Variants in ANAPC10 observed in about 807,000 individuals in gnomAD.
ANAPC10 encodes anaphase promoting complex subunit 10.
Under a neutral mutation model 22.0 loss-of-function variants are expected in ANAPC10, and 12 were observed. The ratio of observed to expected loss-of-function variants is 0.55; its 90% CI spans 0.35 to 0.88. ANAPC10 has a LOEUF of 0.88. Among genes scored for constraint, ANAPC10 ranks in the 40% least tolerant of loss-of-function variants. The pLI is 0.01. For synonymous variants in ANAPC10, 65 were observed against 69.5 expected, an observed-to-expected ratio of 0.94 and a Z score of 0.32; for missense variants, 188 against 220.9, an observed-to-expected ratio of 0.85 and a Z score of 0.94.
intron 2 of ANAPC10, among the ~76,000 whole-genome samples, chr4:145,082,404 T>G (rs1208121855): frequency 6.6e-6 from 1 of 152,094 alleles, no homozygotes; most frequent in East Asian, 1.9e-4. Context: ...CCGCCTCAGC[T>G]TCCCAAAGTG....
In ANAPC10 at chr4:145,058,427, C is replaced by G. The variant is rs563445225; in HGVS notation, c.327+6145G>C. Among the ~76,000 whole-genome samples, 8 of 151,036 alleles carry G rather than the reference C, an allele frequency of 5.3e-5. No homozygotes were observed. In the South Asian group the frequency reaches 1.7e-3, roughly 31 times the overall value. On this transcript the variant is annotated intron_variant, in intron 4 of 4. Transcript: ENST00000507656. ...AAAAACCACAAAACAATATTGTGTTCCCATAGCCACCTCCAGGTACTTACT... is the reference window on the plus strand; with the variant it reads ...AAAAACCACAAAACAATATTGTGTTGCCATAGCCACCTCCAGGTACTTACT...
At chr4:144,998,729 C>T (rs1732023063) in intron 4 of ANAPC10, among the ~76,000 whole-genome samples, 1 of 152,032 alleles carries the variant, frequency 6.6e-6, no homozygotes, top group South Asian at 2.1e-4. Context: ...AGAGCAAACA[C>T]ATTCAAAAGC....
At chr4:145,082,362 C>T (rs1052864432) in intron 2 of ANAPC10, among the ~76,000 whole-genome samples, 1 of 152,104 alleles carries the variant, frequency 6.6e-6, no homozygotes. Flanking sequence ...TGGGTCAGGC[C>T]GGTCTCGAAC....
intron 4 of ANAPC10, among the ~76,000 whole-genome samples, chr4:145,001,807 A>G (rs1185519124): frequency 6.6e-6 from 1 of 152,186 alleles, no homozygotes; most frequent in East Asian, 1.9e-4. Flanking sequence ...GCTTCCTATT[A>G]GCAACCTTTA....
intron 4 of ANAPC10, among the ~76,000 whole-genome samples, chr4:145,018,026 G>A (rs1227286760): frequency 1.3e-5 from 2 of 150,832 alleles, no homozygotes; most frequent in Non-Finnish European, 3.0e-5. Context: ...TAAATGACGA[G>A]TTAATGGGTG....
chr4:145,049,358 T>C (rs1046004340), intron 4 of ANAPC10, among the ~76,000 whole-genome samples: 1 of 152,244 alleles, frequency 6.6e-6, no homozygotes, highest in African/African-American at 2.4e-5. Flanking sequence ...TGCCACTTAA[T>C]AGCATTTTGC....
At chr4:145,075,428 T>G (rs978179878) in intron 3 of ANAPC10, among the ~76,000 whole-genome samples, 19 of 151,918 alleles carry the variant, frequency 1.3e-4, no homozygotes, top group Non-Finnish European at 2.9e-5. Context: ...ATCTCAGGGT[T>G]GATCAGAGCC....
At chr4:145,048,272 T>C (rs1475202217) in intron 4 of ANAPC10, among the ~76,000 whole-genome samples, 5 of 152,172 alleles carry the variant, frequency 3.3e-5, no homozygotes, top group African/African-American at 4.8e-5. Flanking sequence ...AGACAGGTAA[T>C]GTCCTTGTGC....
chr4:145,009,961 T>C (rs887682090), intron 4 of ANAPC10, among the ~76,000 whole-genome samples: 9 of 152,008 alleles, frequency 5.9e-5, no homozygotes, highest in East Asian at 1.9e-4. Flanking sequence ...ACAAAGAACT[T>C]AAACAAATTT....
At chr4:145,026,382 G>C (rs1357667751) in intron 4 of ANAPC10, among the ~76,000 whole-genome samples, 3 of 152,088 alleles carry the variant, frequency 2.0e-5, no homozygotes, top group South Asian at 2.1e-4. Flanking sequence ...TAATCGATAA[G>C]TGATTACATA....
chr4:145,005,286 AT>A (rs1287520584), intron 4 of ANAPC10, among the ~76,000 whole-genome samples: 2 of 152,122 alleles, frequency 1.3e-5, no homozygotes, highest in Admixed American at 6.6e-5. Context: ...TCTCTCAGGG[AT>A]TTTGGATTTC....
chr4:145,014,911 C>A (rs1377369853), intron 4 of ANAPC10, among the ~76,000 whole-genome samples: 2 of 152,136 alleles, frequency 1.3e-5, no homozygotes, highest in East Asian at 3.9e-4. Flanking sequence ...AAGGGAACAG[C>A]CCATGGGACA....
intron 3 of ANAPC10, among the ~76,000 whole-genome samples, chr4:145,080,275 G>A (rs1480756009): frequency 6.6e-6 from 1 of 152,060 alleles, no homozygotes; most frequent in Non-Finnish European, 1.5e-5. Context: ...GACGAAATTT[G>A]TACACCAAAA....
chr4:145,001,203 AGAAG>A (rs1228563114), intron 4 of ANAPC10, among the ~76,000 whole-genome samples: 7 of 132,740 alleles, frequency 5.3e-5, no homozygotes, highest in African/African-American at 1.9e-4. Context: ...AAAGAAAGAA[AGAAG>A]GAAGGAGGGA....
chr4:145,068,137 C>T (rs185690596), intron 3 of ANAPC10, among the ~76,000 whole-genome samples: 1 of 152,234 alleles, frequency 6.6e-6, no homozygotes, highest in African/African-American at 2.4e-5. Context: ...GACTGCCAGG[C>T]TCCTCTTACA....
intron 4 of ANAPC10, among the ~76,000 whole-genome samples, chr4:145,053,270 G>T (rs896308152): frequency 1.2e-4 from 18 of 152,126 alleles, no homozygotes; most frequent in African/African-American, 3.4e-4. Flanking sequence ...TAAATCTAAA[G>T]ACTTTAGGCT....
chr4:145,087,902 G>T (rs1266441517), intron 2 of ANAPC10, among the ~76,000 whole-genome samples: 1 of 151,980 alleles, frequency 6.6e-6, no homozygotes, highest in East Asian at 1.9e-4. Flanking sequence ...AAAAAAATTA[G>T]CTGAGTGTGG....
At chr4:144,995,861 C>G (rs1243587753) in intron 4 of ANAPC10, among the ~76,000 whole-genome samples, 5 of 152,100 alleles carry the variant, frequency 3.3e-5, no homozygotes, top group Admixed American at 3.3e-4. Flanking sequence ...ACAATTTATA[C>G]AACTTGTACT....
chr4:145,048,060 T>C (rs1740584621), intron 4 of ANAPC10, among the ~76,000 whole-genome samples: 1 of 152,208 alleles, frequency 6.6e-6, no homozygotes, highest in Non-Finnish European at 1.5e-5. Flanking sequence ...ATCACATGCT[T>C]ATATCAGAAA....
Sources: gnomAD v4.1 joint callset for allele counts (sites outside exome capture counted in the v4.1 genomes callset) on GRCh38, gnomAD v4.1.1 for gene constraint, MANE v1.5 for transcripts, NCBI Gene and HGNC (gene_info 2026-07-23, HGNC 2026-07-21) for gene names.